NLRP4: variants seen among roughly 807,000 people sequenced by gnomAD.
NLRP4 encodes NLR family pyrin domain containing 4, also known as NACHT, LRR and PYD domains-containing protein 4.
In NLRP4, 44 loss-of-function variants were observed where a neutral mutation model predicts 84.7. The observed-to-expected ratio is 0.52, with a 90% CI of 0.41 to 0.67. The LOEUF (loss-of-function observed/expected upper bound fraction) is 0.67. NLRP4 is among the 30% of genes least tolerant of loss of function. The probability of loss-of-function intolerance (pLI) is 0.00; values close to 1 mark genes in which losing one functional copy is unlikely to be tolerated. For missense variants in NLRP4, 1,260 were observed against 1,219.4 expected (o/e 1.03, Z -0.50); for synonymous variants, 544 against 476.4 (o/e 1.14, Z -1.85).
intron 4 of NLRP4, 78 bp from the exon 5 acceptor site, chr19:55,861,911 GGAT>G (rs1984772314): frequency 1.1e-6 from 1 of 942,486 alleles, no homozygotes; most frequent in African/African-American, 1.6e-5. Flanking sequence ...AGTTCATGAT[GGAT>G]GATGAGAGAC....
intron 1 of NLRP4, among the ~76,000 whole-genome samples, chr19:55,849,200 C>T (rs1430402790): frequency 6.6e-6 from 1 of 152,138 alleles, no homozygotes; most frequent in African/African-American, 2.4e-5. Context: ...AAAGTTGTTA[C>T]AGTTTTAGCT....
chr19:55,850,246 TTTCC>T, intron 1 of NLRP4, among the ~76,000 whole-genome samples: 2 of 138,784 alleles, frequency 1.4e-5, no homozygotes, highest in South Asian at 2.3e-4. Flanking sequence ...TGCGGTGTAA[TTTCC>T]GAGGCTGCGG....
chr19:55,838,807 A>G (rs1163082674), intron 1 of NLRP4, among the ~76,000 whole-genome samples: 1 of 152,172 alleles, frequency 6.6e-6, no homozygotes, highest in Non-Finnish European at 1.5e-5. Flanking sequence ...AAATAAAAGT[A>G]AGCTCTTTTG....
intron 1 of NLRP4, among the ~76,000 whole-genome samples, chr19:55,849,853 A>AGCTGCGGTGTAATTTCCGTAG (rs1983956475): frequency 4.2e-5 from 3 of 71,412 alleles, no homozygotes; most frequent in South Asian, 4.8e-4. Flanking sequence ...AATTTCCGAG[A>AGCTGCGGTGTAATTTCCGTAG]CTGCGGTGTA....
chr19:55,859,383 T>A lies in NLRP4; in HGVS notation c.1856+134T>A, dbSNP rs1365003610. The A allele has an allele frequency of 5.8e-6, 4 of 688,320 alleles. No homozygotes were observed. In the African/African-American group the frequency reaches 7.2e-5, roughly 12 times the overall value. The allele number at this position is 688,320 out of a possible 1,614,324, so 42.6% of individuals were successfully genotyped here. A position where few individuals can be genotyped will look rare whatever the true frequency, so the allele number is the denominator to read the frequency against. ...TTCTGCCACAAAACCTCAGCTCACA[T>A]CCTGGCCCAACATTTTAGGAGCTCT... On this transcript the variant is annotated intron_variant, in intron 3 of 9. Transcript: ENST00000301295.
Position 55,858,025 on chromosome 19 carries a change from A to G in NLRP4, c.632A>G (p.Asp211Gly). The change falls in exon 3 of 10, where the codon GAC (aspartate) becomes GGC (glycine). Residue 211 changes from aspartate to glycine, a missense_variant. By Grantham distance (94) the Asp-to-Gly change is moderately conservative (BLOSUM62 -1). Around this residue, in one of 3 missense-constraint regions of NLRP4, gnomAD observed 712 missense variants for 669.2 expected, o/e 1.06. Coordinates refer to ENST00000301295, the MANE Select transcript of NLRP4 (RefSeq NM_134444.5). This position sits in a 1 kb window ranked among gnomAD's most constrained non-coding sequence, Gnocchi z 4.2. ...GACTTGATTTCCAGAGAGTGGCCTG[A>G]CCCCGCTGCTCCTATAACAGAGATC... ...LADLISREWP[D>G]PAAPITEIVS... 1.2e-6 allele frequency: 2 copies of G among 1,614,074 alleles called. No homozygotes were observed. The highest frequency in any genetic ancestry group is 1.7e-6 in the Non-Finnish European group (2 of 1,180,018).
In NLRP4 at chr19:55,858,243, C is replaced by G. The variant is rs1290706933; in HGVS notation, c.850C>G (p.Pro284Ala). Residue 284 changes from proline to alanine, a missense_variant, in exon 3 of 10, where the codon CCG becomes GCG. Pro to Ala is a conservative substitution (Grantham distance 27). This residue lies in a region of NLRP4 where 712 missense variants were observed against 669.2 expected (regional missense o/e 1.06). Coordinates refer to ENST00000301295, the MANE Select transcript of NLRP4 (RefSeq NM_134444.5). The surrounding 1 kb of genome is among the most constrained non-coding windows in gnomAD (Gnocchi z 4.2). ...GCTCATCGCTATCAAACCCGTGTGC[C>G]CGAAGGAGCTCCGGGATCAGGTGAC... ...SLLIAIKPVC[P>A]KELRDQVTIS... 1.2e-6 allele frequency: 2 copies of G among 1,614,152 alleles called. No homozygotes were observed. The highest frequency in any genetic ancestry group is 1.6e-4 in the Middle Eastern group (1 of 6,062).
intron 6 of NLRP4, among the ~76,000 whole-genome samples, chr19:55,870,146 A>T (rs536868119): frequency 3.3e-5 from 5 of 152,242 alleles, no homozygotes; most frequent in African/African-American, 9.6e-5. Flanking sequence ...GAATAATGAA[A>T]TTGAAAAAGT....
chr19:55,878,751 C>T (rs1432276724), intron 8 of NLRP4, 43 bp from the exon 9 acceptor site: 1 of 1,561,690 alleles, frequency 6.4e-7, no homozygotes, highest in South Asian at 1.2e-5. Flanking sequence ...TACCTCCACC[C>T]TGAGGCTGGG....
At position 55,858,219 on chromosome 19, in the gene NLRP4, CTCA is replaced by C; in HGVS notation, c.829_831del (p.Ile277del). The C allele has an allele frequency of 6.2e-7, 1 of 1,614,154 alleles. No individual in the cohort carries two copies. The highest frequency in any genetic ancestry group is 8.5e-7 in the Non-Finnish European group (1 of 1,180,008). On this transcript the variant is annotated inframe_deletion, in exon 3 of 10. Coordinates refer to ENST00000301295, the MANE Select transcript of NLRP4 (RefSeq NM_134444.5). This position sits in a 1 kb window ranked among gnomAD's most constrained non-coding sequence, Gnocchi z 4.2. ...GAAGATGCTCCCGGAGGCCTCCCTG[CTCA>C]TCGCTATCAAACCCGTGTGCCCGAA... is the stretch of plus-strand genomic sequence containing the variant.
At position 55,862,762 on chromosome 19, in the gene NLRP4, G is replaced by A. The variant is rs141216991; in HGVS notation, c.2186+603G>A. Among the ~76,000 whole-genome samples, 1,224 of 151,748 alleles carry A rather than the reference G, an allele frequency of 8.1e-3. 27 individuals carry two copies. Among genetic ancestry groups the A allele is most frequent in the African/African-American group, 0.029 (1,172 of 41,078 alleles). On this transcript the variant is annotated intron_variant, in intron 5 of 9. Coordinates refer to ENST00000301295, the MANE Select transcript of NLRP4 (RefSeq NM_134444.5). ...CTCTGTTTATTGAGACCACTGATTG[G>A]GTTTCAGAGAAGACTATGTATTTCT...
chr19:55,857,649 T>C, intron 2 of NLRP4, 25 bp from the exon 3 acceptor site: 1 of 1,603,432 alleles, frequency 6.2e-7, no homozygotes, highest in Non-Finnish European at 8.5e-7. Context: ...GTGGGTTTTC[T>C]CTCCTCTTGC....
At position 55,849,974 on chromosome 19, in the gene NLRP4, G is replaced by GA. The variant is rs1568658244; in HGVS notation, c.-65-2042_-65-2041insA. On this transcript the variant is annotated intron_variant, in intron 1 of 9. Transcript: ENST00000301295. Reference sequence around the variant, plus strand: ...CCGAGACTGCGGTGTAATTTCCGTAGCTGCGGTGTAATTTCCGAGACTGCG... The same window carrying GA: ...CCGAGACTGCGGTGTAATTTCCGTAGACTGCGGTGTAATTTCCGAGACTGCG... Among the ~76,000 whole-genome samples, 684 of 107,352 alleles carry GA rather than the reference G, an allele frequency of 6.4e-3. 50 individuals are homozygous for GA. The highest frequency in any genetic ancestry group is 0.018 in the East Asian group (55 of 3,138). The allele number at this position is 107,352 out of a possible 152,430, so 70.4% of individuals were successfully genotyped here. A position where few individuals can be genotyped will look rare whatever the true frequency, so the allele number is the denominator to read the frequency against.
intron 1 of NLRP4, among the ~76,000 whole-genome samples, chr19:55,844,918 T>G (rs1983736895): frequency 6.6e-6 from 1 of 152,070 alleles, no homozygotes; most frequent in African/African-American, 2.4e-5. Context: ...GGGGAATATT[T>G]AAAGTTCCAT....
chr19:55,853,867 C>G (rs1005614891), intron 2 of NLRP4, among the ~76,000 whole-genome samples: 1 of 151,240 alleles, frequency 6.6e-6, no homozygotes, highest in Non-Finnish European at 1.5e-5. Context: ...CTCTTCCTCT[C>G]TCTTTCTCTC....
intron 9 of NLRP4, among the ~76,000 whole-genome samples, chr19:55,879,487 C>A (rs1192373658): frequency 6.6e-6 from 1 of 150,776 alleles, no homozygotes; most frequent in African/African-American, 2.5e-5. Context: ...TTCTGGCAGC[C>A]CCCACCCCAG....
chr19:55,865,653 G>A (rs865860053), intron 5 of NLRP4, among the ~76,000 whole-genome samples: 1 of 151,988 alleles, frequency 6.6e-6, no homozygotes, highest in African/African-American at 2.4e-5. Context: ...TTTAATAATA[G>A]CCATTCTGAC....
In NLRP4 at chr19:55,852,149, C is replaced by T. The variant is rs759611908; in HGVS notation, c.69C>T (p.Phe23=). The T allele has an allele frequency of 1.2e-6, 2 of 1,607,546 alleles. No homozygotes were observed. Among genetic ancestry groups the T allele is most frequent in the Middle Eastern group, 1.7e-4 (1 of 6,048 alleles). Residue 23 remains phenylalanine (F), a synonymous_variant, in exon 2 of 10, where the codon TTC becomes TTT. Coordinates refer to ENST00000301295, the MANE Select transcript of NLRP4 (RefSeq NM_134444.5). Reference sequence around the variant, plus strand: ...TGGAGGAGCTCAAAAAGGAGGAGTTCAGGAAATTTAAAGAACATCTCAAGC... The same window carrying T: ...TGGAGGAGCTCAAAAAGGAGGAGTTTAGGAAATTTAAAGAACATCTCAAGC... ...WYLEELKKEE[F]RKFKEHLKQM...
At position 55,851,972 on chromosome 19, in the gene NLRP4, C is replaced by A; in HGVS notation, c.-65-44C>A. On this transcript the variant is annotated intron_variant, in intron 1 of 9. Coordinates refer to ENST00000301295, the MANE Select transcript of NLRP4 (RefSeq NM_134444.5). ...GATACTATATAATGGTAATCTTGAT[C>A]CATTTATTTGTAATAACTTGGCACT... The A allele has an allele frequency of 5.0e-6, 4 of 793,644 alleles. No homozygotes were observed. In the South Asian group the frequency reaches 6.4e-5, roughly 13 times the overall value. 49.2% of individuals were successfully genotyped at this position (793,644 alleles called of 1,614,324 possible). A position where few individuals can be genotyped will look rare whatever the true frequency, so the allele number is the denominator to read the frequency against.
Sources: allele counts gnomAD v4.1 joint callset (sites outside exome capture counted in the v4.1 genomes callset), GRCh38; gene constraint gnomAD v4.1.1; regional missense constraint gnomAD v4.1.1; non-coding constraint Gnocchi (gnomAD v3.1); transcripts MANE v1.5; gene names NCBI Gene and HGNC (gene_info 2026-07-23, HGNC 2026-07-21).